The following NUDT5 variants were observed in gnomAD, a reference collection of about 807,000 sequenced individuals.
The protein encoded by NUDT5 is ADP-sugar pyrophosphatase.
NUDT5 carries 21 observed loss-of-function variants against 34.1 expected under a neutral mutation model. The ratio of observed to expected loss-of-function variants is 0.62; its 90% CI spans 0.44 to 0.89. The LOEUF (loss-of-function observed/expected upper bound fraction) is 0.89, where lower values mean the gene tolerates loss of function less well. Ranked by LOEUF, NUDT5 falls within the 40% of genes least tolerant of loss-of-function variation. The pLI is 0.00. For synonymous variants in NUDT5, 85 were observed against 97.6 expected, an observed-to-expected ratio of 0.87 and a Z score of 0.76; for missense variants, 249 against 274.8, an observed-to-expected ratio of 0.91 and a Z score of 0.66.
At position 12,168,165 on chromosome 10, in the gene NUDT5, T is replaced by C. The variant is rs954336004; in HGVS notation, c.551-354A>G. ...TCAGCCTCCCCAGTAGCTGGGACTA[T>C]AGGCGCACGCCACCACGCCCAGCTA... On this transcript the variant is annotated intron_variant, in intron 9 of 9. Transcript: ENST00000491614. This position sits in a 1 kb window ranked among gnomAD's most constrained non-coding sequence, Gnocchi z 4.8. Among the ~76,000 whole-genome samples the C allele has an allele frequency of 4.6e-4, 70 of 151,976 alleles. No individual in the cohort carries two copies. The highest frequency in any genetic ancestry group is 1.6e-3 in the African/African-American group (66 of 41,462).
chr10:12,191,725 A>G (rs764755829), intron 1 of NUDT5, among the ~76,000 whole-genome samples: 4 of 152,210 alleles, frequency 2.6e-5, no homozygotes, highest in Non-Finnish European at 5.9e-5. Flanking sequence ...TATGTAAAAA[A>G]TGAAAAAACA....
In NUDT5 at chr10:12,181,866, C is replaced by T. The variant is rs193183476; in HGVS notation, c.132-2734G>A. Among the ~76,000 whole-genome samples, 8 of 151,812 alleles carry T rather than the reference C, an allele frequency of 5.3e-5. No homozygotes were observed. The East Asian group carries it at 1.2e-3, about 22-fold the overall frequency. ...TAAAAAAAAAGGATATGGCCGGATG[C>T]GGTGGCTCACGACTGTAGTCCTAGC... On this transcript the variant is annotated intron_variant, in intron 3 of 9. Transcript: ENST00000491614. This position sits in a 1 kb window ranked among gnomAD's most constrained non-coding sequence, Gnocchi z 5.0.
chr10:12,191,040 T>C lies in NUDT5; in HGVS notation c.-41-4708A>G, dbSNP rs150454015. ...GGGCAAGGGTGAGAAATTCTGAGTG[T>C]ATGGCGAGCTCTGTGGTTCTCAAGC... On this transcript the variant is annotated intron_variant, in intron 1 of 9. Coordinates refer to ENST00000491614, the MANE Select transcript of NUDT5 (RefSeq NM_014142.4). Among the ~76,000 whole-genome samples, 4 of 152,238 alleles carry C rather than the reference T, an allele frequency of 2.6e-5. No homozygotes were observed. The East Asian group carries it at 7.7e-4, about 29-fold the overall frequency.
rs1469590967 is a variant in NUDT5, at chr10:12,170,409, G to T, written c.550+308C>A. ...CTACCCACACCTTTGCATTGCTATG[G>T]ACTGAAGGTTTAAAGTGTAGAATCG... On this transcript the variant is annotated intron_variant, in intron 9 of 9. Coordinates refer to ENST00000491614, the MANE Select transcript of NUDT5 (RefSeq NM_014142.4). The surrounding 1 kb of genome is among the most constrained non-coding windows in gnomAD (Gnocchi z 4.9). The T allele has an allele frequency of 8.0e-6, 5 of 622,028 alleles. No homozygotes were observed. Among genetic ancestry groups the T allele is most frequent in the Non-Finnish European group, 1.4e-5 (5 of 356,176 alleles). 38.5% of individuals were successfully genotyped at this position (622,028 alleles called of 1,614,324 possible).
chr10:12,194,318 C>T (rs577054088), intron 1 of NUDT5, among the ~76,000 whole-genome samples: 2 of 152,312 alleles, frequency 1.3e-5, no homozygotes, highest in East Asian at 3.9e-4. Context: ...ATGCTAACAT[C>T]TCCTTCCGCG....
At chr10:12,191,887 T>TA (rs1443869415) in intron 1 of NUDT5, among the ~76,000 whole-genome samples, 1 of 152,140 alleles carries the variant, frequency 6.6e-6, no homozygotes, top group Non-Finnish European at 1.5e-5. Flanking sequence ...TTCCAGAAGT[T>TA]AAACTATGAA....
intron 1 of NUDT5, among the ~76,000 whole-genome samples, chr10:12,192,110 C>T (rs1835240697): frequency 6.6e-6 from 1 of 152,098 alleles, no homozygotes; most frequent in Admixed American, 6.5e-5. Context: ...TAAGTAGAGC[C>T]TCTGACTGAC....
In NUDT5 at chr10:12,173,750, C is replaced by G; in HGVS notation, c.353G>C (p.Gly118Ala). 1.9e-6 allele frequency: 3 copies of G among 1,614,062 alleles called. No homozygotes were observed. The highest frequency in any genetic ancestry group is 2.5e-6 in the Non-Finnish European group (3 of 1,179,910). The change falls in exon 6 of 10, where the codon GGC becomes GCC. Residue 118 changes from glycine to alanine, a missense_variant. By Grantham distance (60) the Gly-to-Ala change is moderately conservative. Transcript: ENST00000491614. The surrounding 1 kb of genome is among the most constrained non-coding windows in gnomAD (Gnocchi z 4.7). Reference protein sequence around the residue: ...AALRELEEETGYKGDIAECSP... With the variant: ...AALRELEEETAYKGDIAECSP... ...ACATTCGGCAATGTCCCCTTTGTAG[C>G]CAGTTTCTTCTTCAAGCTCCCGGAG...
rs113516083 is a variant in NUDT5, at chr10:12,182,319, T to C, written c.131+2570A>G. On this transcript the variant is annotated intron_variant, in intron 3 of 9. Transcript: ENST00000491614. This position sits in a 1 kb window ranked among gnomAD's most constrained non-coding sequence, Gnocchi z 4.3. ...AAAAGGTTTTGGATTTTGCAGCATT[T>C]TGAATTTCAGATTTTCAGATTAGGG... Among the ~76,000 whole-genome samples the C allele has an allele frequency of 6.4e-3, 977 of 152,280 alleles. 4 individuals are homozygous for C. The highest frequency in any genetic ancestry group is 9.9e-3 in the Non-Finnish European group (675 of 68,024).
Position 12,169,138 on chromosome 10 carries a change from C to G in NUDT5, c.551-1327G>C, listed in dbSNP as rs912931058. Reference sequence around the variant, plus strand: ...GCTGGTTGAATAAACGGTTTGATTACTGTATTTTGATTCTGCTAAAGCTAG... The same window carrying G: ...GCTGGTTGAATAAACGGTTTGATTAGTGTATTTTGATTCTGCTAAAGCTAG... On this transcript the variant is annotated intron_variant, in intron 9 of 9. Transcript: ENST00000491614. The surrounding 1 kb of genome is among the most constrained non-coding windows in gnomAD (Gnocchi z 4.8). The G allele has an allele frequency of 5.0e-6, 3 of 596,070 alleles. No homozygotes were observed. The highest frequency in any genetic ancestry group is 6.0e-6 in the Non-Finnish European group (2 of 334,858). The allele number at this position is 596,070 out of a possible 1,614,324, so 36.9% of individuals were successfully genotyped here.
In NUDT5 at chr10:12,169,512, G is replaced by A. The variant is rs1013644243; in HGVS notation, c.550+1205C>T. ...CAAACCGAGTCGGGCCTGTGACTCC[G>A]AGCTGCGCTGCCTCGTATTGATTGT... On this transcript the variant is annotated intron_variant, in intron 9 of 9. Transcript: ENST00000491614. The surrounding 1 kb of genome is among the most constrained non-coding windows in gnomAD (Gnocchi z 4.8). 5 of 531,824 alleles carry A rather than the reference G, an allele frequency of 9.4e-6. No homozygotes were observed. In the East Asian group the frequency reaches 9.5e-5, roughly 10 times the overall value. 32.9% of individuals were successfully genotyped at this position (531,824 alleles called of 1,614,324 possible).
In NUDT5 at chr10:12,169,571, A is replaced by C; in HGVS notation, c.550+1146T>G. The C allele has an allele frequency of 2.4e-6, 1 of 419,504 alleles. No individual in the cohort carries two copies. The highest frequency in any genetic ancestry group is 4.3e-6 in the Non-Finnish European group (1 of 235,060). The allele number at this position is 419,504 out of a possible 1,614,324, so 26.0% of individuals were successfully genotyped here. A position where few individuals can be genotyped will look rare whatever the true frequency, so the allele number is the denominator to read the frequency against. ...TCTCCAAATACGCACCAGATAAACT[A>C]TTGTATCTATTCAGTATGATTGTTC... On this transcript the variant is annotated intron_variant, in intron 9 of 9. Transcript: ENST00000491614. This position sits in a 1 kb window ranked among gnomAD's most constrained non-coding sequence, Gnocchi z 4.8.
intron 4 of NUDT5, among the ~76,000 whole-genome samples, chr10:12,178,843 C>T (rs1011370561): frequency 5.9e-5 from 9 of 152,180 alleles, no homozygotes; most frequent in African/African-American, 2.2e-4. Flanking sequence ...TATTGATTTA[C>T]ATTTAGTTAT....
intron 1 of NUDT5, among the ~76,000 whole-genome samples, chr10:12,191,179 C>T (rs1316863927): frequency 1.3e-5 from 2 of 151,928 alleles, no homozygotes; most frequent in Non-Finnish European, 2.9e-5. Flanking sequence ...GTCAGGAGAT[C>T]GAGACCATCC....
chr10:12,165,348 CTT>C lies in NUDT5; in HGVS notation c.*2352_*2353del. 1.0e-6 allele frequency: 1 copy of C among 981,128 alleles called. No individual in the cohort carries two copies. Among genetic ancestry groups the C allele is most frequent in the Non-Finnish European group, 1.2e-6 (1 of 826,094 alleles). The allele number at this position is 981,128 out of a possible 1,614,324, so 60.8% of individuals were successfully genotyped here. On this transcript the variant is annotated 3_prime_UTR_variant, in exon 10 of 10. Coordinates refer to ENST00000491614, the MANE Select transcript of NUDT5 (RefSeq NM_014142.4). The stretch of plus-strand genomic sequence containing the variant: ...ATGAGTGTAAACAGTAGACAATAAA[CTT>C]TTATTTAAGAAAACTGATTCAGTTG...
chr10:12,165,984 G>A lies in NUDT5; in HGVS notation c.*1718C>T, dbSNP rs1259661999. Reference sequence around the variant, plus strand: ...GAAACCTTCAGTTTTTAAATGCAGGGCAAATAAACATTTTTAAACAGTGCC... The same window carrying A: ...GAAACCTTCAGTTTTTAAATGCAGGACAAATAAACATTTTTAAACAGTGCC... On this transcript the variant is annotated 3_prime_UTR_variant, in exon 10 of 10. Coordinates refer to ENST00000491614, the MANE Select transcript of NUDT5 (RefSeq NM_014142.4). 2 of 152,144 alleles carry A rather than the reference G, an allele frequency of 1.3e-5. No homozygotes were observed. Among genetic ancestry groups the A allele is most frequent in the African/African-American group, 2.4e-5 (1 of 41,416 alleles). 9.4% of individuals were successfully genotyped at this position (152,144 alleles called of 1,614,324 possible).
At position 12,171,033 on chromosome 10, in the gene NUDT5, A is replaced by C; in HGVS notation, c.488-125T>G. 1.1e-6 allele frequency: 1 copy of C among 943,192 alleles called. No homozygotes were observed. Among genetic ancestry groups the C allele is most frequent in the East Asian group, 2.6e-5 (1 of 38,206 alleles). The allele number at this position is 943,192 out of a possible 1,614,324, so 58.4% of individuals were successfully genotyped here. On this transcript the variant is annotated intron_variant, in intron 7 of 9. Transcript: ENST00000491614. This position sits in a 1 kb window ranked among gnomAD's most constrained non-coding sequence, Gnocchi z 4.2. ...AGAAGCCTGGGTTTCTGCTAACTTA[A>C]TTTATATACATTGTCAAACTCGAGC...
In NUDT5 at chr10:12,186,265, A is replaced by G. The variant is rs1835126158; in HGVS notation, c.27T>C (p.Ser9=). 2 of 1,614,048 alleles carry G rather than the reference A, an allele frequency of 1.2e-6. No homozygotes were observed. The highest frequency in any genetic ancestry group is 2.2e-5 in the South Asian group (2 of 91,080). Residue 9 remains serine, a synonymous_variant, in exon 2 of 10, where the codon TCT becomes TCC. Transcript: ENST00000491614. MESQEPTE[S]SQNGKQYIIS... ...TGATATACTGTTTGCCATTCTGAGA[A>G]GATTCCGTTGGTTCTTGGCTCTCCA...
In NUDT5 at chr10:12,173,856, GT is replaced by G; in HGVS notation, c.290-44del. On this transcript the variant is annotated intron_variant, in intron 5 of 9. Coordinates refer to ENST00000491614, the MANE Select transcript of NUDT5 (RefSeq NM_014142.4). The surrounding 1 kb of genome is among the most constrained non-coding windows in gnomAD (Gnocchi z 4.7). ...TGGTGTGATGGGAGCGGGAAATCCG[GT>G]TCTTTAAACCCTCCTTTTTTTTTTT... is the stretch of plus-strand genomic sequence containing the variant. 7.0e-7 allele frequency: 1 copy of G among 1,419,658 alleles called. No homozygotes were observed. 87.9% of individuals were successfully genotyped at this position (1,419,658 alleles called of 1,614,324 possible). A position where few individuals can be genotyped will look rare whatever the true frequency, so the allele number is the denominator to read the frequency against.
Sources: allele counts gnomAD v4.1 joint callset (sites outside exome capture counted in the v4.1 genomes callset), GRCh38; gene constraint gnomAD v4.1.1; non-coding constraint Gnocchi (gnomAD v3.1); transcripts MANE v1.5; gene names NCBI Gene and HGNC (gene_info 2026-07-23, HGNC 2026-07-21).